STRIP2: variants seen among roughly 807,000 people sequenced by gnomAD.
STRIP2 encodes the protein striatin interacting protein 2.
A neutral mutation model predicts 107.1 loss-of-function variants in STRIP2; 84 were observed. The ratio of observed to expected loss-of-function variants is 0.78; its 90% CI spans 0.66 to 0.94. The LOEUF (loss-of-function observed/expected upper bound fraction) is 0.94. Ranked by LOEUF, STRIP2 falls within the 40% of genes least tolerant of loss-of-function variation. STRIP2 has a pLI of 0.00. For synonymous variants in STRIP2, 394 were observed against 400.4 expected (o/e 0.98, Z 0.19); for missense variants, 888 against 1,034.2 (o/e 0.86, Z 1.94).
chr7:129,454,705 C>A (rs769825714), intron 7 of STRIP2, among the ~76,000 whole-genome samples, 178 bp downstream of exon 7: 1 of 152,122 alleles, frequency 6.6e-6, no homozygotes, highest in Non-Finnish European at 1.5e-5. Flanking sequence ...GCTTGATTGC[C>A]GCCCTGTATC....
At chr7:129,437,785 A>G (rs931925344) in intron 1 of STRIP2, among the ~76,000 whole-genome samples, 5 of 150,604 alleles carry the variant, frequency 3.3e-5, no homozygotes, top group African/African-American at 1.2e-4. Flanking sequence ...TAGTGGATTA[A>G]AACATGATTC....
chr7:129,442,232 A>G (rs1420273353), intron 2 of STRIP2, among the ~76,000 whole-genome samples: 3 of 152,108 alleles, frequency 2.0e-5, no homozygotes, highest in Non-Finnish European at 4.4e-5. Context: ...CTCAAATAAT[A>G]ATAATAATAA....
At position 129,455,367 on chromosome 7, in the gene STRIP2, T is replaced by G. The variant is rs1417008120; in HGVS notation, c.830T>G (p.Val277Gly). ...KKVLLLLWKV[V>G]MFTLGGFEHL... ...GTCCTGCTCCTGCTCTGGAAGGTGG[T>G]CATGGTGAGTAATTCTCCCCACTCC... Residue 277 changes from valine (V) to glycine (G), a missense_variant, in exon 8 of 21, where the codon GTC (valine) becomes GGC (glycine). Transcript: ENST00000249344. The G allele has an allele frequency of 6.2e-7, 1 of 1,612,144 alleles. No homozygotes were observed. The highest frequency in any genetic ancestry group is 1.3e-5 in the African/African-American group (1 of 74,766).
rs958044546 is a variant in STRIP2, at chr7:129,480,039, T to C, written c.1945-746T>C. Among the ~76,000 whole-genome samples the C allele has an allele frequency of 7.2e-5, 11 of 152,326 alleles. 1 individual carries two copies. The highest frequency in any genetic ancestry group is 7.2e-4 in the Admixed American group (11 of 15,304). ...TTGTAGATGTGAGGAATTTCCAAGA[T>C]GTTAGTTTGGCTGTCACGTGTGCTC... On this transcript the variant is annotated intron_variant, in intron 18 of 20. Transcript: ENST00000249344.
At position 129,472,789 on chromosome 7, in the gene STRIP2, T is replaced by C. The variant is rs1450102887; in HGVS notation, c.1944+2074T>C. ...TCTTTTCTTTTCCTTTTTTTTTTTT[T>C]TTTTTTTTTTTTTTTGAGACAGAGT... On this transcript the variant is annotated intron_variant, in intron 18 of 20. Coordinates refer to ENST00000249344, the MANE Select transcript of STRIP2 (RefSeq NM_020704.3). Among the ~76,000 whole-genome samples, 100 of 130,988 alleles carry C rather than the reference T, an allele frequency of 7.6e-4. 3 individuals carry two copies. The highest frequency in any genetic ancestry group is 2.8e-3 in the African/African-American group (97 of 35,142). 85.9% of individuals were successfully genotyped at this position (130,988 alleles called of 152,430 possible). A position where few individuals can be genotyped will look rare whatever the true frequency, so the allele number is the denominator to read the frequency against.
In STRIP2 at chr7:129,453,279, C is replaced by A; in HGVS notation, c.462C>A (p.Tyr154Ter). 1.2e-6 allele frequency: 2 copies of A among 1,614,170 alleles called. No homozygotes were observed. The highest frequency in any genetic ancestry group is 1.7e-6 in the Non-Finnish European group (2 of 1,180,014). ...TCGATGTGCTACACTGGTCCAGGTA[C>A]AACTGCTTCCTGCTGTATCAGATGG... The part of the protein sequence containing the change: ...SEVDVLHWSR[Y>*]NCFLLYQMGT... The change falls in exon 5 of 21, where the codon TAC becomes TAA. Residue 154 changes from tyrosine (Y) to a stop codon, truncating the protein, a stop_gained. Coordinates refer to ENST00000249344, the MANE Select transcript of STRIP2 (RefSeq NM_020704.3). LOFTEE classifies it high-confidence loss of function.
chr7:129,478,611 G>A (rs956588413), intron 18 of STRIP2, among the ~76,000 whole-genome samples: 4 of 152,148 alleles, frequency 2.6e-5, no homozygotes, highest in Non-Finnish European at 5.9e-5. Flanking sequence ...ACAATATTAG[G>A]TAACCATTAT....
chr7:129,452,731 A>G (rs531856387), intron 4 of STRIP2, among the ~76,000 whole-genome samples: 26 of 152,322 alleles, frequency 1.7e-4, no homozygotes, highest in Admixed American at 1.0e-3. Context: ...GCATCCAGGA[A>G]GTGTAGGGAA....
intron 4 of STRIP2, among the ~76,000 whole-genome samples, chr7:129,452,098 G>C (rs1215522052): frequency 6.6e-6 from 1 of 152,154 alleles, no homozygotes; most frequent in Non-Finnish European, 1.5e-5. Flanking sequence ...CATCAACTGT[G>C]GCCTGGCCCC....
chr7:129,477,870 A>G, intron 18 of STRIP2: 1 of 484,346 alleles, frequency 2.1e-6, no homozygotes, highest in South Asian at 1.6e-5. Context: ...GCCCATGTAG[A>G]CACCATGAGC....
chr7:129,434,575 T>C lies in STRIP2; in HGVS notation c.103T>C (p.Phe35Leu), dbSNP rs1797676310. ...GGCGGCGCCCAAGGGCCGCGAAGCG[T>C]TCCGAAGCCAGCGGCGGGAGTCAGA... ...KQAAPKGREAFRSQRRESEGS... is the reference protein window; with the variant it reads ...KQAAPKGREALRSQRRESEGS... Residue 35 changes from phenylalanine to leucine, a missense_variant, in exon 1 of 21, where the codon TTC becomes CTC. Physicochemically the swap from Phe to Leu is conservative, Grantham distance 22. Transcript: ENST00000249344. The C allele has an allele frequency of 1.3e-6, 2 of 1,514,920 alleles. No individual in the cohort carries two copies. The highest frequency in any genetic ancestry group is 2.0e-5 in the Admixed American group (1 of 49,816). 93.8% of individuals were successfully genotyped at this position (1,514,920 alleles called of 1,614,324 possible).
At chr7:129,481,250 G>A (rs927225159) in intron 19 of STRIP2, among the ~76,000 whole-genome samples, 2 of 152,152 alleles carry the variant, frequency 1.3e-5, no homozygotes, top group African/African-American at 4.8e-5. Context: ...TGTAATCCCA[G>A]CACTTTGGGA....
intron 16 of STRIP2, among the ~76,000 whole-genome samples, chr7:129,465,484 G>A: frequency 6.6e-6 from 1 of 152,182 alleles, no homozygotes; most frequent in Non-Finnish European, 1.5e-5. Context: ...GCATGGTCTG[G>A]TGACACAGGA....
chr7:129,484,509 T>TA (rs1358861037), intron 20 of STRIP2: 1 of 152,208 alleles, frequency 6.6e-6, no homozygotes, highest in African/African-American at 2.4e-5. Flanking sequence ...TCTACTTACT[T>TA]ACCTGGCAGG....
chr7:129,458,471 G>T lies in STRIP2; in HGVS notation c.1274+21G>T. On this transcript the variant is annotated intron_variant, in intron 10 of 20. Transcript: ENST00000249344. This position sits in a 1 kb window ranked among gnomAD's most constrained non-coding sequence, Gnocchi z 4.6. ...GTCAGGTAGGTTTGATAGCATCAGG[G>T]ACCCCTATGCTTCGGGGTTTCAGTC... 1 of 1,522,250 alleles carries T rather than the reference G, an allele frequency of 6.6e-7. No homozygotes were observed. 94.3% of individuals were successfully genotyped at this position (1,522,250 alleles called of 1,614,324 possible).
intron 16 of STRIP2, among the ~76,000 whole-genome samples, chr7:129,467,078 C>T (rs1798687576): frequency 6.6e-6 from 1 of 152,218 alleles, no homozygotes. Context: ...ACAAATCTCA[C>T]AGCAATTCTT....
intron 19 of STRIP2, among the ~76,000 whole-genome samples, chr7:129,482,353 C>A (rs867755779): frequency 6.1e-4 from 60 of 98,800 alleles, no homozygotes; most frequent in African/African-American, 1.1e-3. Context: ...CTCTCTCTCT[C>A]TCTATATATA....
rs375374382 is a variant in STRIP2, at chr7:129,456,596, T to G, written c.992T>G (p.Leu331Arg). The change falls in exon 9 of 21, where the codon CTG becomes CGG. Residue 331 changes from leucine (L) to arginine (R), a missense_variant. Leu to Arg is a moderately radical substitution (Grantham distance 102). Coordinates refer to ENST00000249344, the MANE Select transcript of STRIP2 (RefSeq NM_020704.3). ...ACTCTTGACCTGGGAGAGTCTCAGC[T>G]GGCACCCCCACCCTCCAAGCTGCGA... ...SYTLDLGESQ[L>R]APPPSKLRGR... The G allele has an allele frequency of 1.1e-5, 18 of 1,613,992 alleles. No individual in the cohort carries two copies. The African/African-American group carries it at 1.7e-4, about 16-fold the overall frequency.
Position 129,455,285 on chromosome 7 carries a change from T to G in STRIP2, c.748T>G (p.Phe250Val). ...TGAGGAGCCTTTTGCCCTTTTACTC[T>G]TCTCCATGGTTACCAAGTTCTGCAG... ...HNEEPFALLLFSMVTKFCSGL... is the reference protein window; with the variant it reads ...HNEEPFALLLVSMVTKFCSGL... Residue 250 changes from phenylalanine to valine, a missense_variant, in exon 8 of 21, where the codon TTC becomes GTC. Transcript: ENST00000249344. 6.2e-7 allele frequency: 1 copy of G among 1,613,968 alleles called. No individual in the cohort carries two copies. Among genetic ancestry groups the G allele is most frequent in the Non-Finnish European group, 8.5e-7 (1 of 1,179,918 alleles).
Sources: allele counts gnomAD v4.1 joint callset (sites outside exome capture counted in the v4.1 genomes callset), GRCh38; gene constraint gnomAD v4.1.1; non-coding constraint Gnocchi (gnomAD v3.1); transcripts MANE v1.5; gene names NCBI Gene and HGNC (gene_info 2026-07-23, HGNC 2026-07-21).